The following PDE1C variants were observed in gnomAD, a reference collection of about 807,000 sequenced individuals.
PDE1C encodes phosphodiesterase 1C.
A neutral mutation model predicts 93.1 loss-of-function variants in PDE1C; 62 were observed. The observed-to-expected ratio is 0.67, with a 90% CI of 0.54 to 0.82. PDE1C has a LOEUF of 0.82. PDE1C is among the 40% of genes least tolerant of loss of function. The pLI is 0.00. For synonymous variants in PDE1C, 325 were observed against 310.1 expected (o/e 1.05, Z -0.50); for missense variants, 742 against 884.6 (o/e 0.84, Z 2.04).
At chr7:32,326,620 G>A (rs185104623) in intron 1 of PDE1C, among the ~76,000 whole-genome samples, 2 of 152,282 alleles carry the variant, frequency 1.3e-5, no homozygotes. Flanking sequence ...TCAGGTCACT[G>A]GTTACCCTAA....
the PDE1C span, chr7:31,643,037 C>A: frequency 1.2e-6 from 2 of 1,613,970 alleles, no homozygotes; most frequent in Non-Finnish European, 1.7e-6. Context: ...GTCACCAGAC[C>A]CACAGCCACT....
intron 1 of PDE1C, among the ~76,000 whole-genome samples, chr7:32,420,226 T>C (rs1300171395): frequency 6.2e-5 from 2 of 32,172 alleles, no homozygotes; most frequent in Admixed American, 5.9e-4. Flanking sequence ...TATATACATA[T>C]ATATGTATAT....
chr7:32,088,645 G>T lies in PDE1C; in HGVS notation c.308+81140C>A, dbSNP rs182070392. Among the ~76,000 whole-genome samples, 589 of 152,298 alleles carry T rather than the reference G, an allele frequency of 3.9e-3. 2 individuals carry two copies. The highest frequency in any genetic ancestry group is 6.9e-3 in the Non-Finnish European group (468 of 68,016). On this transcript the variant is annotated intron_variant, in intron 3 of 18. Transcript: ENST00000396193. ...CTCGCAAGGCTGTGTGATGTCGCTG[G>T]GTGTTTGCAAAGCAGAGGAAAATCC... is the stretch of plus-strand genomic sequence containing the variant.
rs930704594 is a variant in PDE1C at position 32,321,137 on chromosome 7, CAA to C, written c.310+106683_310+106684del. ...CTCAGTGACAAAAGAACAAAAATCTCAAAGAGAATTACACCAACCTCAATAAC... is the reference window on the plus strand; with the variant it reads ...CTCAGTGACAAAAGAACAAAAATCTCAGAGAATTACACCAACCTCAATAAC... On this transcript the variant is annotated intron_variant, in intron 1 of 1. Transcript: ENST00000672256. 8.3e-4 allele frequency among the ~76,000 whole-genome samples: 127 copies of C among 152,270 alleles called. 1 individual carries two copies. The highest frequency in any genetic ancestry group is 2.7e-3 in the African/African-American group (114 of 41,564).
intron 2 of PDE1C, among the ~76,000 whole-genome samples, chr7:31,971,920 G>A (rs1013262819): frequency 1.3e-5 from 2 of 152,092 alleles, no homozygotes; most frequent in Non-Finnish European, 2.9e-5. Flanking sequence ...GGTAATAACC[G>A]CCCACTGTAA....
chr7:32,086,960 T>C (rs1160414035), intron 3 of PDE1C, among the ~76,000 whole-genome samples: 1 of 151,382 alleles, frequency 6.6e-6, no homozygotes, highest in Non-Finnish European at 1.5e-5. Flanking sequence ...ACTTCATGTC[T>C]AAAACACCAA....
intron 2 of PDE1C, among the ~76,000 whole-genome samples, chr7:31,887,450 T>C (rs1373145941): frequency 6.6e-6 from 1 of 152,216 alleles, no homozygotes; most frequent in Non-Finnish European, 1.5e-5. Context: ...ATTACTGGAC[T>C]CCAGTTACTT....
the PDE1C span, among the ~76,000 whole-genome samples, chr7:31,711,602 CCTCT>C: frequency 1.3e-5 from 2 of 152,030 alleles, no homozygotes; most frequent in African/African-American, 4.8e-5. Flanking sequence ...TTTTCTCCAC[CCTCT>C]CTCTCTTAAT....
At chr7:32,208,138 CTCTT>C (rs1805740320) in intron 2 of PDE1C, among the ~76,000 whole-genome samples, 1 of 152,196 alleles carries the variant, frequency 6.6e-6, no homozygotes, top group Non-Finnish European at 1.5e-5. Context: ...GCACTTCATG[CTCTT>C]TCATTATCGT....
intron 1 of PDE1C, among the ~76,000 whole-genome samples, chr7:32,397,220 C>A (rs943487924): frequency 6.6e-6 from 1 of 151,952 alleles, no homozygotes; most frequent in Admixed American, 6.6e-5. Flanking sequence ...GATAAAGGGC[C>A]AATATCCTAA....
chr7:31,944,364 T>A (rs1408336540), intron 2 of PDE1C, among the ~76,000 whole-genome samples: 1 of 152,180 alleles, frequency 6.6e-6, no homozygotes, highest in Non-Finnish European at 1.5e-5. Context: ...GGACTCTTCC[T>A]CAAAGAGCCT....
intron 1 of PDE1C, among the ~76,000 whole-genome samples, chr7:32,295,825 C>A (rs967403735): frequency 7.1e-6 from 1 of 139,940 alleles, no homozygotes; most frequent in African/African-American, 2.7e-5. Flanking sequence ...ACGCGGGAGG[C>A]GGAGCTTGCA....
At chr7:32,358,789 T>C (rs982338624) in intron 1 of PDE1C, among the ~76,000 whole-genome samples, 1 of 152,114 alleles carries the variant, frequency 6.6e-6, no homozygotes, top group Non-Finnish European at 1.5e-5. Context: ...AGTTGGCAAA[T>C]AGCAAAGTGG....
At chr7:32,005,240 T>C (rs1446654724) in intron 2 of PDE1C, among the ~76,000 whole-genome samples, 2 of 152,112 alleles carry the variant, frequency 1.3e-5, no homozygotes, top group Non-Finnish European at 2.9e-5. Context: ...TCATCTCATT[T>C]CACATTCACA....
chr7:31,791,062 T>A (rs1784547357), intron 16 of PDE1C, among the ~76,000 whole-genome samples: 3 of 152,118 alleles, frequency 2.0e-5, no homozygotes, highest in Non-Finnish European at 4.4e-5. Flanking sequence ...GTAACACTAT[T>A]ATCTACAGAG....
rs564784840 is a variant in PDE1C, at chr7:32,197,166, A to G, written c.136+12323T>C. 7.2e-5 allele frequency among the ~76,000 whole-genome samples: 11 copies of G among 152,314 alleles called. No individual in the cohort carries two copies. In the East Asian group the frequency reaches 2.1e-3, roughly 29 times the overall value. On this transcript the variant is annotated intron_variant, in intron 2 of 18. Coordinates refer to the PDE1C transcript ENST00000396193. ...TTCTTAAAATCTAGCTCTCCAAATA[A>G]GATACACGAGTGGGCAATAAGCATA...
chr7:32,384,356 T>C (rs1003011176), intron 1 of PDE1C, among the ~76,000 whole-genome samples: 3 of 152,194 alleles, frequency 2.0e-5, no homozygotes, highest in African/African-American at 7.2e-5. Flanking sequence ...TAAATATATT[T>C]TGAGAAAGTA....
Position 32,001,097 on chromosome 7 carries a change from T to C in PDE1C, c.128+50457A>G, listed in dbSNP as rs147491473. The stretch of plus-strand genomic sequence containing the variant: ...AATTGTACATAATACAATCACACTC[T>C]GTAAAAGAATGGATAGGCATATATG... On this transcript the variant is annotated intron_variant, in intron 2 of 17. Coordinates refer to ENST00000396191, the MANE Select transcript of PDE1C (RefSeq NM_001191057.4). Among the ~76,000 whole-genome samples the C allele has an allele frequency of 4.1e-3, 621 of 152,250 alleles. 3 individuals carry two copies. Among genetic ancestry groups the C allele is most frequent in the African/African-American group, 0.014 (578 of 41,530 alleles).
At position 32,147,329 on chromosome 7, in the gene PDE1C, A is replaced by AAAGAAAGGAAGG. The variant is rs1554513895; in HGVS notation, c.308+22455_308+22456insCCTTCCTTTCTT. ...GAAAGAAAGAAAGAAAGAAAGAAAG[A>AAAGAAAGGAAGG]AAGACGCTGTTTGTAGGTATGCTTT... On this transcript the variant is annotated intron_variant, in intron 3 of 18. Transcript: ENST00000396193. Among the ~76,000 whole-genome samples the AAAGAAAGGAAGG allele has an allele frequency of 1.9e-4, 27 of 144,090 alleles. 1 individual carries two copies. The highest frequency in any genetic ancestry group is 1.7e-3 in the Admixed American group (23 of 13,694). The allele number at this position is 144,090 out of a possible 152,430, so 94.5% of individuals were successfully genotyped here.
Sources: allele counts gnomAD v4.1 joint callset (sites outside exome capture counted in the v4.1 genomes callset), GRCh38; gene constraint gnomAD v4.1.1; transcripts MANE v1.5; gene names NCBI Gene and HGNC (gene_info 2026-07-23, HGNC 2026-07-21).